The following PEBP4 variants were observed in gnomAD, a reference collection of about 807,000 sequenced individuals.
PEBP4 encodes the protein phosphatidylethanolamine binding protein 4.
Under a neutral mutation model 23.9 loss-of-function variants are expected in PEBP4, and 22 were observed. The ratio of observed to expected loss-of-function variants is 0.92; its 90% confidence interval spans 0.66 to 1.31. The LOEUF (loss-of-function observed/expected upper bound fraction) is 1.31. Among genes scored for constraint, PEBP4 ranks in the 40% most tolerant of loss-of-function variants. The pLI is 0.00. For synonymous variants in PEBP4, 112 were observed against 99.3 expected, an observed-to-expected ratio of 1.13 and a Z score of -0.76; for missense variants, 324 against 281.7, an observed-to-expected ratio of 1.15 and a Z score of -1.07.
chr8:22,730,170 G>T (rs1360841431), intron 4 of PEBP4, among the ~76,000 whole-genome samples: 1 of 152,128 alleles, frequency 6.6e-6, no homozygotes, highest in South Asian at 2.1e-4. Context: ...ATTAAAATAC[G>T]GAGATATTAT....
At chr8:22,897,179 A>C (rs919446496) in intron 3 of PEBP4, among the ~76,000 whole-genome samples, 1 of 152,176 alleles carries the variant, frequency 6.6e-6, no homozygotes, top group Admixed American at 6.5e-5. Flanking sequence ...GAGAAAATAC[A>C]GCCCCTTTTC....
At chr8:22,855,088 T>C (rs1355935018) in intron 3 of PEBP4, among the ~76,000 whole-genome samples, 2 of 151,662 alleles carry the variant, frequency 1.3e-5, no homozygotes, top group Admixed American at 1.3e-4. Flanking sequence ...CTGGAAGACG[T>C]ACCATGGTCC....
intron 3 of PEBP4, among the ~76,000 whole-genome samples, chr8:22,872,778 G>A (rs1330626910): frequency 6.6e-6 from 1 of 152,200 alleles, no homozygotes; most frequent in African/African-American, 2.4e-5. Context: ...CTGGGTTCAA[G>A]TGATTCTCCT....
chr8:22,912,097 G>A (rs373011465), intron 3 of PEBP4, among the ~76,000 whole-genome samples: 18 of 152,250 alleles, frequency 1.2e-4, no homozygotes, highest in East Asian at 9.7e-4. Context: ...AGGAAGTTCT[G>A]GAATGACAGA....
At chr8:22,728,563 C>CTTTCTTTCTTTCTTTCTTT (rs1554478841) in intron 4 of PEBP4, among the ~76,000 whole-genome samples, 12 of 69,304 alleles carry the variant, frequency 1.7e-4, no homozygotes, top group East Asian at 5.2e-4. Flanking sequence ...TTTCTTTCTT[C>CTTTCTTTCTTTCTTTCTTT]CTTCCTTCCT....
chr8:22,783,584 A>G (rs1022647442), intron 4 of PEBP4, among the ~76,000 whole-genome samples: 7 of 152,142 alleles, frequency 4.6e-5, no homozygotes, highest in Non-Finnish European at 8.8e-5. Context: ...AACTAGGGTC[A>G]TTGTTTTCAG....
Position 22,927,631 on chromosome 8 carries a change from G to C in PEBP4, c.84C>G (p.Ser28Arg), listed in dbSNP as rs199555529. The C allele has an allele frequency of 2.1e-5, 34 of 1,613,946 alleles. No individual in the cohort carries two copies. In the East Asian group the frequency reaches 7.6e-4, roughly 36 times the overall value. The change falls in exon 2 of 7, where the codon AGC becomes AGG. Residue 28 changes from serine to arginine, a missense_variant. By Grantham distance (110) the Ser-to-Arg change is moderately radical (BLOSUM62 -1). Transcript: ENST00000256404. ...MVVTGDEDEN[S>R]PCAHEALLDE... ...CCAAGAGGGCCTCATGGGCACACGG[G>C]CTGTTCTCATCCTCGTCTCCAGTGA...
intron 6 of PEBP4, among the ~76,000 whole-genome samples, chr8:22,716,885 G>T (rs1325603996): frequency 6.6e-6 from 1 of 152,240 alleles, no homozygotes; most frequent in Non-Finnish European, 1.5e-5. Flanking sequence ...CATGGGGTCA[G>T]CGGAGCTGCC....
At chr8:22,881,947 G>C (rs74886853) in intron 3 of PEBP4, among the ~76,000 whole-genome samples, 1 of 152,182 alleles carries the variant, frequency 6.6e-6, no homozygotes, top group Non-Finnish European at 1.5e-5. Context: ...GGTAATAAGC[G>C]TAGAAGCCTG....
At chr8:22,762,302 G>A (rs1805524497) in intron 4 of PEBP4, among the ~76,000 whole-genome samples, 1 of 152,146 alleles carries the variant, frequency 6.6e-6, no homozygotes, top group African/African-American at 2.4e-5. Flanking sequence ...CCTCTTGGCT[G>A]AGACTCCTTG....
intron 4 of PEBP4, among the ~76,000 whole-genome samples, chr8:22,785,608 G>T (rs1336172636): frequency 1.3e-5 from 2 of 152,192 alleles, no homozygotes; most frequent in Non-Finnish European, 2.9e-5. Context: ...GGAGGCAGGG[G>T]TGATCCAGGG....
At position 22,927,828 on chromosome 8, in the gene PEBP4, G is replaced by C. The variant is rs1236835707; in HGVS notation, c.-12C>G. On this transcript the variant is annotated 5_prime_UTR_variant, in exon 1 of 7. Transcript: ENST00000256404. The stretch of plus-strand genomic sequence containing the variant: ...CCACTTGGCAGGATAGAGACCTCTG[G>C]TTAAGCACAGGGAGAAGGACAGGCA... 2 of 1,384,438 alleles carry C rather than the reference G, an allele frequency of 1.4e-6. No individual in the cohort carries two copies. The highest frequency in any genetic ancestry group is 2.9e-5 in the African/African-American group (2 of 68,036). 85.8% of individuals were successfully genotyped at this position (1,384,438 alleles called of 1,614,324 possible).
intron 4 of PEBP4, among the ~76,000 whole-genome samples, chr8:22,792,911 G>A (rs998121484): frequency 6.6e-6 from 1 of 152,128 alleles, no homozygotes; most frequent in Non-Finnish European, 1.5e-5. Flanking sequence ...TCCTTGGAGT[G>A]GGACCCTTAC....
intron 3 of PEBP4, among the ~76,000 whole-genome samples, chr8:22,852,625 G>A (rs1467726927): frequency 6.6e-6 from 1 of 151,900 alleles, no homozygotes; most frequent in African/African-American, 2.4e-5. Flanking sequence ...TTTTGTGAGT[G>A]TGAAGAAAAT....
chr8:22,747,022 C>CG (rs55785011), intron 4 of PEBP4, among the ~76,000 whole-genome samples: 30,361 of 151,968 alleles, frequency 0.2, 3,556 homozygotes, highest in Admixed American at 0.27. Flanking sequence ...TTTTTAGAGA[C>CG]GGGGGTCTCA....
At chr8:22,753,046 GC>G (rs1585254275) in intron 4 of PEBP4, among the ~76,000 whole-genome samples, 4 of 152,302 alleles carry the variant, frequency 2.6e-5, no homozygotes, top group African/African-American at 9.6e-5. Context: ...TTCCTCACTT[GC>G]CTGTTTGGCC....
intron 4 of PEBP4, among the ~76,000 whole-genome samples, chr8:22,737,113 G>T (rs1021228259): frequency 7.9e-5 from 12 of 152,030 alleles, no homozygotes; most frequent in African/African-American, 2.9e-4. Context: ...GGCCAACTTG[G>T]CAAAACCCGG....
chr8:22,831,602 A>T (rs1807084717), intron 3 of PEBP4, among the ~76,000 whole-genome samples: 1 of 151,970 alleles, frequency 6.6e-6, no homozygotes, highest in South Asian at 2.1e-4. Flanking sequence ...CTACAGGGGG[A>T]GTTGGATGTG....
In PEBP4 at chr8:22,775,248, C is replaced by G. The variant is rs551408954; in HGVS notation, c.357+42389G>C. Among the ~76,000 whole-genome samples the G allele has an allele frequency of 1.3e-5, 2 of 152,220 alleles. No individual in the cohort carries two copies. Among genetic ancestry groups the G allele is most frequent in the Non-Finnish European group, 2.9e-5 (2 of 68,052 alleles). ...TACCCGAGAAAGCTGCCTCTCTCAG[C>G]AGCATCTTTCAGGGACCCGGAAGCC... On this transcript the variant is annotated intron_variant, in intron 4 of 6. Transcript: ENST00000256404. This position sits in a 1 kb window ranked among gnomAD's most constrained non-coding sequence, Gnocchi z 4.8.
Sources: gnomAD v4.1 joint callset for allele counts (sites outside exome capture counted in the v4.1 genomes callset) on GRCh38, gnomAD v4.1.1 for gene constraint, Gnocchi (gnomAD v3.1) non-coding constraint, MANE v1.5 for transcripts, NCBI Gene and HGNC (gene_info 2026-07-23, HGNC 2026-07-21) for gene names.